SH3RF1: variants seen among roughly 807,000 people sequenced by gnomAD.
The protein encoded by SH3RF1 is E3 ubiquitin-protein ligase SH3RF1.
Under a neutral mutation model 74.0 loss-of-function variants are expected in SH3RF1, and 32 were observed. The ratio of observed to expected loss-of-function variants is 0.43; its 90% CI spans 0.33 to 0.58. The LOEUF (loss-of-function observed/expected upper bound fraction) is 0.58, where lower values mean the gene tolerates loss of function less well. SH3RF1 is among the 20% of genes least tolerant of loss of function. The pLI, the probability that SH3RF1 is intolerant of heterozygous loss-of-function variation, is 0.05. For synonymous variants in SH3RF1, 396 were observed against 439.6 expected, an observed-to-expected ratio of 0.90 and a Z score of 1.24; for missense variants, 954 against 1,130.9, an observed-to-expected ratio of 0.84 and a Z score of 2.24.
chr4:169,211,982 T>C (rs1221621586), intron 2 of SH3RF1, among the ~76,000 whole-genome samples: 1 of 152,056 alleles, frequency 6.6e-6, no homozygotes. Context: ...CATTACTTAG[T>C]TTTTTGTTAA....
At chr4:169,248,959 G>C (rs1442335210) in intron 2 of SH3RF1, among the ~76,000 whole-genome samples, 8 of 152,230 alleles carry the variant, frequency 5.3e-5, no homozygotes, top group African/African-American at 1.7e-4. Context: ...CGGGCCCAGT[G>C]GCTCACGCCT....
At chr4:169,113,740 T>C (rs1480331487) in intron 10 of SH3RF1, among the ~76,000 whole-genome samples, 1 of 152,154 alleles carries the variant, frequency 6.6e-6, no homozygotes, top group Non-Finnish European at 1.5e-5. Flanking sequence ...TTACTAAATT[T>C]ATATCAACCA....
intron 6 of SH3RF1, among the ~76,000 whole-genome samples, chr4:169,123,454 T>C (rs1194825453): frequency 1.3e-5 from 2 of 152,210 alleles, no homozygotes; most frequent in Non-Finnish European, 2.9e-5. Flanking sequence ...GCTAAAGTGG[T>C]TGCAGAACAT....
At chr4:169,166,457 T>A (rs756308950) in intron 2 of SH3RF1, 59 of 181,796 alleles carry the variant, frequency 3.2e-4, no homozygotes, top group Non-Finnish European at 3.7e-4. Flanking sequence ...ATCTGCTATA[T>A]ATTCCAGAAG....
At chr4:169,146,191 AAAT>A (rs1330631975) in intron 4 of SH3RF1, among the ~76,000 whole-genome samples, 2 of 143,732 alleles carry the variant, frequency 1.4e-5, no homozygotes, top group African/African-American at 5.1e-5. Flanking sequence ...ATTCTATATA[AAAT>A]ATTATAAAAT....
At position 169,209,931 on chromosome 4, in the gene SH3RF1, A is replaced by G. The variant is rs541990556; in HGVS notation, c.394-53252T>C. The stretch of plus-strand genomic sequence containing the variant: ...TAGTCACCCAAGTAGCTGGGACTAC[A>G]GGCACGCATCACCACACCCAGTTAA... On this transcript the variant is annotated intron_variant, in intron 2 of 11. Coordinates refer to ENST00000284637, the MANE Select transcript of SH3RF1 (RefSeq NM_020870.4). Among the ~76,000 whole-genome samples the G allele has an allele frequency of 2.6e-3, 395 of 152,204 alleles. 4 individuals are homozygous for G. Among genetic ancestry groups the G allele is most frequent in the African/African-American group, 9.3e-3 (385 of 41,526 alleles).
At position 169,121,079 on chromosome 4, in the gene SH3RF1, A is replaced by C. The variant is rs2126946009; in HGVS notation, c.1347-90T>G. On this transcript the variant is annotated intron_variant, in intron 7 of 11. Transcript: ENST00000284637. Reference sequence around the variant, plus strand: ...TCTTCCTTGGTACAAAGTGTTGAACATTTTGTACAAATGTAAACTGAAAGT... The same window carrying C: ...TCTTCCTTGGTACAAAGTGTTGAACCTTTTGTACAAATGTAAACTGAAAGT... 4 of 1,029,980 alleles carry C rather than the reference A, an allele frequency of 3.9e-6. No homozygotes were observed. The South Asian group carries it at 5.5e-5, about 14-fold the overall frequency. The allele number at this position is 1,029,980 out of a possible 1,614,324, so 63.8% of individuals were successfully genotyped here.
intron 2 of SH3RF1, among the ~76,000 whole-genome samples, chr4:169,197,618 C>CT (rs1734836211): frequency 3.0e-5 from 2 of 67,006 alleles, no homozygotes; most frequent in Non-Finnish European, 6.3e-5. Flanking sequence ...AAGCAAGACT[C>CT]TGTCTCAAAA....
At chr4:169,106,124 T>C (rs1733130446) in intron 11 of SH3RF1, among the ~76,000 whole-genome samples, 1 of 151,616 alleles carries the variant, frequency 6.6e-6, no homozygotes, top group South Asian at 2.1e-4. Flanking sequence ...ATTATTATTA[T>C]TATTTTGAGA....
intron 2 of SH3RF1, among the ~76,000 whole-genome samples, chr4:169,228,868 T>C (rs1349387062): frequency 6.6e-6 from 1 of 152,196 alleles, no homozygotes; most frequent in Non-Finnish European, 1.5e-5. Flanking sequence ...CTAATTCTAA[T>C]GAATACTTCC....
At chr4:169,192,322 G>T (rs571996568) in intron 2 of SH3RF1, among the ~76,000 whole-genome samples, 2 of 151,700 alleles carry the variant, frequency 1.3e-5, no homozygotes, top group African/African-American at 4.8e-5. Flanking sequence ...TCAGGGAAAT[G>T]CAAACATGAA....
intron 6 of SH3RF1, among the ~76,000 whole-genome samples, chr4:169,126,672 C>T (rs1733530046): frequency 1.3e-5 from 2 of 152,256 alleles, no homozygotes; most frequent in South Asian, 2.1e-4. Flanking sequence ...CAGTCTCAAC[C>T]TCCTGGGCTC....
chr4:169,265,698 C>G (rs1336156379), intron 2 of SH3RF1, among the ~76,000 whole-genome samples: 1 of 152,112 alleles, frequency 6.6e-6, no homozygotes, highest in Non-Finnish European at 1.5e-5. Flanking sequence ...GTCTGGAACT[C>G]TTGACCTCAA....
chr4:169,158,510 G>T (rs909234921), intron 2 of SH3RF1, among the ~76,000 whole-genome samples: 1 of 152,172 alleles, frequency 6.6e-6, no homozygotes, highest in Non-Finnish European at 1.5e-5. Context: ...TTATTGCTGC[G>T]TTCTTCTGGT....
At chr4:169,114,701 T>C (rs1733302913) in intron 10 of SH3RF1, among the ~76,000 whole-genome samples, 1 of 152,234 alleles carries the variant, frequency 6.6e-6, no homozygotes, top group African/African-American at 2.4e-5. Context: ...GTTGAACATG[T>C]TGGCTTGAGT....
Position 169,127,389 on chromosome 4 carries a change from T to C in SH3RF1, c.1179+2657A>G, listed in dbSNP as rs75334252. 4.0e-3 allele frequency among the ~76,000 whole-genome samples: 603 copies of C among 152,352 alleles called. 5 individuals carry two copies. The highest frequency in any genetic ancestry group is 0.014 in the African/African-American group (583 of 41,584). ...TCTACCAAGCTGTGTGCCATTGCTG[T>C]TAATAGTACTCACAGTCTTCGGAAC... On this transcript the variant is annotated intron_variant, in intron 6 of 11. Transcript: ENST00000284637.
At chr4:169,186,362 C>A (rs180775917) in intron 2 of SH3RF1, among the ~76,000 whole-genome samples, 3,069 of 151,558 alleles carry the variant, frequency 0.02, 44 homozygotes, top group Non-Finnish European at 0.028. Flanking sequence ...AAAAAAAAAA[C>A]GAATTTATTT....
At chr4:169,253,155 C>T (rs911604688) in intron 2 of SH3RF1, among the ~76,000 whole-genome samples, 2 of 152,224 alleles carry the variant, frequency 1.3e-5, no homozygotes, top group African/African-American at 4.8e-5. Flanking sequence ...CCACTTCTTA[C>T]ACACAAAGCT....
intron 2 of SH3RF1, among the ~76,000 whole-genome samples, chr4:169,163,351 C>CA (rs1355679888): frequency 6.6e-6 from 1 of 151,970 alleles, no homozygotes; most frequent in African/African-American, 2.4e-5. Flanking sequence ...AACTGAAATA[C>CA]ATTTGTCCCA....
Sources: allele counts gnomAD v4.1 joint callset (sites outside exome capture counted in the v4.1 genomes callset), GRCh38; gene constraint gnomAD v4.1.1; transcripts MANE v1.5; gene names NCBI Gene and HGNC (gene_info 2026-07-23, HGNC 2026-07-21).